RAD51: variants seen among roughly 807,000 people sequenced by gnomAD.
RAD51 encodes the protein DNA repair protein RAD51 homolog 1.
A neutral mutation model predicts 41.5 loss-of-function variants in RAD51; 14 were observed. That is an observed-to-expected ratio of 0.34 (90% CI 0.22 to 0.53). The LOEUF (loss-of-function observed/expected upper bound fraction) is 0.53, where lower values mean the gene tolerates loss of function less well. Among genes scored for constraint, RAD51 ranks in the 20% least tolerant of loss-of-function variants. RAD51 has a pLI of 0.95. For synonymous variants in RAD51, 136 were observed against 148.6 expected (o/e 0.92, Z 0.62); for missense variants, 234 against 422.0 (o/e 0.55, Z 3.90).
intron 4 of RAD51, among the ~76,000 whole-genome samples, chr15:40,706,678 G>C (rs571882525): frequency 3.3e-5 from 5 of 152,186 alleles, no homozygotes; most frequent in Non-Finnish European, 5.9e-5. Context: ...CTCCAGCCTG[G>C]GTGACGAGCA....
intron 4 of RAD51, 52 bp from the exon 5 acceptor site, chr15:40,708,973 A>C: frequency 7.0e-7 from 1 of 1,423,096 alleles, no homozygotes; most frequent in Admixed American, 1.7e-5. Flanking sequence ...CTATGACTAC[A>C]GTTTCTACAT....
At chr15:40,715,408 G>A (rs1333084639) in intron 5 of RAD51, among the ~76,000 whole-genome samples, 1 of 151,998 alleles carries the variant, frequency 6.6e-6, no homozygotes, top group African/African-American at 2.4e-5. Flanking sequence ...CATACCCTTT[G>A]ACAGAAAATT....
intron 1 of RAD51, among the ~76,000 whole-genome samples, chr15:40,696,818 T>C (rs1242080260): frequency 1.3e-5 from 2 of 151,234 alleles, no homozygotes; most frequent in Non-Finnish European, 3.0e-5. Flanking sequence ...TACACAGTAA[T>C]GTCTTAATGT....
chr15:40,722,841 A>G (rs188647035), intron 6 of RAD51, among the ~76,000 whole-genome samples: 2 of 152,324 alleles, frequency 1.3e-5, no homozygotes, highest in African/African-American at 4.8e-5. Flanking sequence ...GAATAAATTG[A>G]TAATAGAGTT....
intron 9 of RAD51, among the ~76,000 whole-genome samples, chr15:40,730,734 G>C (rs1034100414): frequency 4.0e-5 from 6 of 151,676 alleles, no homozygotes; most frequent in African/African-American, 7.3e-5. Context: ...GTGTTAGCCA[G>C]GATGGTCTCG....
At chr15:40,710,220 C>T (rs560601786) in intron 5 of RAD51, among the ~76,000 whole-genome samples, 19 of 110,196 alleles carry the variant, frequency 1.7e-4, no homozygotes, top group South Asian at 3.3e-4. Flanking sequence ...CCAGCCTGGG[C>T]GACAGAGCGA....
In RAD51 at chr15:40,731,420, T is replaced by G; in HGVS notation, c.*242T>G. 3.8e-6 allele frequency: 2 copies of G among 520,492 alleles called. No individual in the cohort carries two copies. The highest frequency in any genetic ancestry group is 6.8e-6 in the Non-Finnish European group (2 of 293,256). The allele number at this position is 520,492 out of a possible 1,614,324, so 32.2% of individuals were successfully genotyped here. A position where few individuals can be genotyped will look rare whatever the true frequency, so the allele number is the denominator to read the frequency against. On this transcript the variant is annotated 3_prime_UTR_variant, in exon 10 of 10. Coordinates refer to ENST00000267868, the MANE Select transcript of RAD51 (RefSeq NM_002875.5). ...AATCTCTGTGTGTTTTCTTTGGTTT[T>G]GGAGGAGGGGTATGAAGTATCTTTG... is the stretch of plus-strand genomic sequence containing the variant.
chr15:40,707,772 C>T (rs1466402438), intron 4 of RAD51, among the ~76,000 whole-genome samples: 2 of 152,120 alleles, frequency 1.3e-5, no homozygotes, highest in African/African-American at 4.8e-5. Flanking sequence ...GGCTAGAATG[C>T]AGTGGCACAA....
chr15:40,713,321 TG>T (rs1328771772), intron 5 of RAD51, among the ~76,000 whole-genome samples: 1 of 150,200 alleles, frequency 6.7e-6, no homozygotes, highest in Non-Finnish European at 1.5e-5. Context: ...CTTGGCTCAC[TG>T]CAACCTCCAT....
intron 6 of RAD51, among the ~76,000 whole-genome samples, chr15:40,728,247 A>G (rs1407044342): frequency 6.6e-6 from 1 of 152,158 alleles, no homozygotes; most frequent in Non-Finnish European, 1.5e-5. Flanking sequence ...GCGGATTATG[A>G]GATCAGGAGG....
chr15:40,730,334 G>A (rs889594185), intron 9 of RAD51, among the ~76,000 whole-genome samples: 1 of 151,776 alleles, frequency 6.6e-6, no homozygotes, highest in Non-Finnish European at 1.5e-5. Context: ...ACAAAGTGAG[G>A]CCTCTGTCTC....
At chr15:40,712,013 C>T (rs1416203416) in intron 5 of RAD51, among the ~76,000 whole-genome samples, 1 of 149,118 alleles carries the variant, frequency 6.7e-6, no homozygotes, top group African/African-American at 2.5e-5. Flanking sequence ...CCAAGGTTGC[C>T]ATGAGCCAAG....
Position 40,732,220 on chromosome 15 carries a change from T to C in RAD51, c.*1042T>C, listed in dbSNP as rs1896907757. The stretch of plus-strand genomic sequence containing the variant: ...TTCAAGACAGGGTTTCCATAATCTT[T>C]TTGGCACTGTATAGGGGTGATCAGT... On this transcript the variant is annotated 3_prime_UTR_variant, in exon 10 of 10. Transcript: ENST00000267868. The C allele has an allele frequency of 5.5e-6, 1 of 181,070 alleles. No homozygotes were observed. The highest frequency in any genetic ancestry group is 2.0e-4 in the South Asian group (1 of 5,072). The allele number at this position is 181,070 out of a possible 1,614,324, so 11.2% of individuals were successfully genotyped here.
intron 6 of RAD51, among the ~76,000 whole-genome samples, chr15:40,727,521 G>GA (rs1896647419): frequency 6.6e-6 from 1 of 152,086 alleles, no homozygotes; most frequent in South Asian, 2.1e-4. Context: ...TCACCATGTA[G>GA]TCTAGGCTGG....
intron 2 of RAD51, among the ~76,000 whole-genome samples, chr15:40,699,401 C>T (rs1283445841): frequency 6.6e-6 from 1 of 152,244 alleles, no homozygotes; most frequent in Non-Finnish European, 1.5e-5. Context: ...CTTTGGCCTC[C>T]CAAAGTGCTG....
chr15:40,696,197 G>A (rs1459843238), intron 1 of RAD51, among the ~76,000 whole-genome samples: 1 of 151,956 alleles, frequency 6.6e-6, no homozygotes, highest in African/African-American at 2.4e-5. Context: ...TTGTTTGTTT[G>A]TTTGTTTTTA....
At chr15:40,698,157 T>G (rs1894765189) in intron 1 of RAD51, among the ~76,000 whole-genome samples, 1 of 151,868 alleles carries the variant, frequency 6.6e-6, no homozygotes, top group South Asian at 2.1e-4. Flanking sequence ...TTACCACTGT[T>G]CTATTTGTTC....
In RAD51 at chr15:40,701,191, A is replaced by C; in HGVS notation, c.215A>C (p.Asp72Ala). The C allele has an allele frequency of 2.5e-6, 4 of 1,614,186 alleles. No homozygotes were observed. The highest frequency in any genetic ancestry group is 2.5e-6 in the Non-Finnish European group (3 of 1,180,010). Residue 72 changes from aspartate to alanine, a missense_variant, in exon 3 of 10, where the codon GAT (aspartate) becomes GCT (alanine). By Grantham distance (126) the Asp-to-Ala change is moderately radical. Around this residue, in one of 2 missense-constraint regions of RAD51, gnomAD observed 100 missense variants for 135.5 expected, o/e 0.74. Transcript: ENST00000267868. Reference sequence around the variant, plus strand: ...AAGGGAATTAGTGAAGCCAAAGCTGATAAAATTCTGGTAAGTACTGCTTAC... The same window carrying C: ...AAGGGAATTAGTGAAGCCAAAGCTGCTAAAATTCTGGTAAGTACTGCTTAC... Reference protein sequence around the residue: ...NIKGISEAKADKILAEAAKLV... With the variant: ...NIKGISEAKAAKILAEAAKLV...
chr15:40,707,792 A>G (rs1895446839), intron 4 of RAD51, among the ~76,000 whole-genome samples: 1 of 151,958 alleles, frequency 6.6e-6, no homozygotes, highest in African/African-American at 2.4e-5. Flanking sequence ...ATCTCGGCTC[A>G]TTGCAACCAC....
Sources: gnomAD v4.1 joint callset for allele counts (sites outside exome capture counted in the v4.1 genomes callset) on GRCh38, gnomAD v4.1.1 for gene constraint, gnomAD v4.1.1 regional missense constraint, MANE v1.5 for transcripts, NCBI Gene and HGNC (gene_info 2026-07-23, HGNC 2026-07-21) for gene names.